Variants in GALNTL6 observed in about 807,000 individuals in gnomAD.
GALNTL6 encodes polypeptide N-acetylgalactosaminyltransferase like 6, also known as polypeptide N-acetylgalactosaminyltransferase-like 6.
GALNTL6 carries 46 observed loss-of-function variants against 73.7 expected under a neutral mutation model. The observed-to-expected ratio is 0.62, with a 90% CI of 0.49 to 0.80. The LOEUF (loss-of-function observed/expected upper bound fraction) is 0.80. Among genes scored for constraint, GALNTL6 ranks in the 30% least tolerant of loss-of-function variants. The pLI, the probability that GALNTL6 is intolerant of heterozygous loss-of-function variation, is 0.00. For synonymous variants in GALNTL6, 259 were observed against 263.7 expected (o/e 0.98, Z 0.17); for missense variants, 604 against 755.0 (o/e 0.80, Z 2.34).
chr4:172,869,322 T>C (rs1235509632), intron 7 of GALNTL6, among the ~76,000 whole-genome samples: 1 of 152,162 alleles, frequency 6.6e-6, no homozygotes, highest in Non-Finnish European at 1.5e-5. Context: ...AGGAAACTGA[T>C]ATAGGTGGAG....
intron 2 of GALNTL6, among the ~76,000 whole-genome samples, chr4:171,822,929 G>A (rs993402579): frequency 1.1e-4 from 16 of 152,090 alleles, no homozygotes; most frequent in African/African-American, 4.8e-5. Context: ...ACTCTAAGTC[G>A]TCTGTACCTT....
At chr4:172,206,670 C>T (rs1736119698) in intron 2 of GALNTL6, among the ~76,000 whole-genome samples, 1 of 151,878 alleles carries the variant, frequency 6.6e-6, no homozygotes, top group African/African-American at 2.4e-5. Flanking sequence ...GTCATGTACG[C>T]AGCAGGGGAA....
chr4:172,072,240 AT>A (rs71244912), intron 2 of GALNTL6, among the ~76,000 whole-genome samples: 145 of 148,688 alleles, frequency 9.8e-4, no homozygotes, highest in Middle Eastern at 6.8e-3. Flanking sequence ...TAGTTTATTG[AT>A]TTTTTTTTTC....
At chr4:171,989,119 C>CT (rs775885560) in intron 2 of GALNTL6, among the ~76,000 whole-genome samples, 4 of 152,050 alleles carry the variant, frequency 2.6e-5, no homozygotes, top group East Asian at 1.9e-4. Flanking sequence ...CCGTCAATAG[C>CT]ACAACAGTTA....
intron 4 of GALNTL6, among the ~76,000 whole-genome samples, chr4:172,339,532 T>C (rs919376212): frequency 1.3e-5 from 2 of 152,150 alleles, no homozygotes; most frequent in South Asian, 4.1e-4. Context: ...AAAATACCTG[T>C]GTAGTCACAC....
intron 7 of GALNTL6, among the ~76,000 whole-genome samples, chr4:172,817,756 A>G (rs1560972869): frequency 6.6e-6 from 1 of 152,218 alleles, no homozygotes; most frequent in African/African-American, 2.4e-5. Context: ...ACCACTAAAC[A>G]ATGTCCAAGA....
At chr4:171,852,799 A>G (rs894045668) in intron 2 of GALNTL6, among the ~76,000 whole-genome samples, 1 of 66,378 alleles carries the variant, frequency 1.5e-5, no homozygotes, top group Non-Finnish European at 3.3e-5. Context: ...TCATATTAAG[A>G]AAAAGATAAG....
At chr4:171,920,701 G>A (rs115214532) in intron 2 of GALNTL6, among the ~76,000 whole-genome samples, 1,759 of 152,050 alleles carry the variant, frequency 0.012, 25 homozygotes, top group Admixed American at 0.032. Context: ...CTTAATGATC[G>A]ATACAAATAC....
At position 172,315,412 on chromosome 4, in the gene GALNTL6, C is replaced by T. The variant is rs138736097; in HGVS notation, c.386+3660C>T. Among the ~76,000 whole-genome samples, 1,425 of 152,212 alleles carry T rather than the reference C, an allele frequency of 9.4e-3. 7 individuals are homozygous for T. Among genetic ancestry groups the T allele is most frequent in the Non-Finnish European group, 0.015 (1,030 of 67,982 alleles). ...CCAAGTAGCTGGGATTACAGGCATG[C>T]GCCACCACACCTGGCTAATTTTGTA... is the stretch of plus-strand genomic sequence containing the variant. On this transcript the variant is annotated intron_variant, in intron 4 of 12. Coordinates refer to ENST00000506823, the MANE Select transcript of GALNTL6 (RefSeq NM_001034845.3).
chr4:172,690,558 T>G (rs1733205994), intron 5 of GALNTL6, among the ~76,000 whole-genome samples: 1 of 152,318 alleles, frequency 6.6e-6, no homozygotes, highest in East Asian at 1.9e-4. Context: ...CTATGACAAC[T>G]CAAAGAGTGA....
intron 10 of GALNTL6, among the ~76,000 whole-genome samples, chr4:172,974,871 T>C (rs1402279551): frequency 6.6e-6 from 1 of 152,228 alleles, no homozygotes; most frequent in Non-Finnish European, 1.5e-5. Flanking sequence ...GCACCAGGCA[T>C]ACCACGACCA....
chr4:172,600,773 A>G (rs1318849854), intron 5 of GALNTL6, among the ~76,000 whole-genome samples: 2 of 152,146 alleles, frequency 1.3e-5, no homozygotes, highest in Admixed American at 6.6e-5. Flanking sequence ...AGACCTACAC[A>G]AACAAAACTT....
intron 5 of GALNTL6, among the ~76,000 whole-genome samples, chr4:172,627,512 G>A (rs1739213104): frequency 6.6e-6 from 1 of 150,712 alleles, no homozygotes; most frequent in Admixed American, 6.6e-5. Flanking sequence ...CATAGAATGA[G>A]TTGGGAAGAA....
intron 5 of GALNTL6, among the ~76,000 whole-genome samples, chr4:172,401,189 C>T (rs1205227148): frequency 1.3e-5 from 2 of 152,040 alleles, no homozygotes; most frequent in Non-Finnish European, 1.5e-5. Flanking sequence ...ATGAAACATA[C>T]ACACACATGC....
At chr4:172,149,602 G>A (rs1491615) in intron 2 of GALNTL6, among the ~76,000 whole-genome samples, 150,162 of 152,240 alleles carry the variant, frequency 0.99, 74,086 homozygotes, top group Middle Eastern at 1. Context: ...TGCCACCGCC[G>A]AGCCCTGGTT....
chr4:171,910,643 G>A (rs13106824), intron 2 of GALNTL6, among the ~76,000 whole-genome samples: 48,897 of 151,610 alleles, frequency 0.32, 9,708 homozygotes, highest in African/African-American at 0.57. Context: ...TACCCTGTTC[G>A]CCATTTTATA....
intron 5 of GALNTL6, among the ~76,000 whole-genome samples, chr4:172,614,156 TATC>T (rs1738631292): frequency 6.7e-6 from 1 of 148,728 alleles, no homozygotes; most frequent in Non-Finnish European, 1.5e-5. Flanking sequence ...TCATTCTGTC[TATC>T]ATCTATCTAT....
chr4:172,176,753 C>T (rs766441928), intron 2 of GALNTL6, among the ~76,000 whole-genome samples: 53 of 152,048 alleles, frequency 3.5e-4, no homozygotes, highest in African/African-American at 5.8e-4. Context: ...TGTACCGTGG[C>T]GCTCTGGCCT....
At chr4:172,295,040 CTT>C (rs1451494532) in intron 3 of GALNTL6, among the ~76,000 whole-genome samples, 1 of 152,036 alleles carries the variant, frequency 6.6e-6, no homozygotes, top group Admixed American at 6.6e-5. Context: ...AATTTTAACT[CTT>C]ATTCTAAATA....
Sources: gnomAD v4.1 joint callset for allele counts (sites outside exome capture counted in the v4.1 genomes callset) on GRCh38, gnomAD v4.1.1 for gene constraint, MANE v1.5 for transcripts, NCBI Gene and HGNC (gene_info 2026-07-23, HGNC 2026-07-21) for gene names.